The following CENPP variants were observed in gnomAD, a reference collection of about 807,000 sequenced individuals.
CENPP encodes centromere protein P.
Under a neutral mutation model 35.6 loss-of-function variants are expected in CENPP, and 24 were observed. That is an observed-to-expected ratio of 0.67 (90% CI 0.49 to 0.95). CENPP has a LOEUF of 0.95. Among genes scored for constraint, CENPP ranks in the 40% least tolerant of loss-of-function variants. CENPP has a pLI of 0.00. For synonymous variants in CENPP, 120 were observed against 125.5 expected (o/e 0.96, Z 0.29); for missense variants, 332 against 345.3 (o/e 0.96, Z 0.31).
At chr9:92,411,351 G>T (rs1843439010) in intron 5 of CENPP, among the ~76,000 whole-genome samples, 1 of 152,116 alleles carries the variant, frequency 6.6e-6, no homozygotes, top group Admixed American at 6.6e-5. Context: ...CTGGTGTGCA[G>T]TGGCATGATG....
chr9:92,535,928 T>G (rs775049821), intron 5 of CENPP: 14 of 470,594 alleles, frequency 3.0e-5, no homozygotes, highest in Non-Finnish European at 5.7e-5. Flanking sequence ...TTAAAACTTT[T>G]TTACCTGGAG....
chr9:92,367,260 G>A (rs1466347231), intron 4 of CENPP, among the ~76,000 whole-genome samples: 1 of 152,034 alleles, frequency 6.6e-6, no homozygotes, highest in African/African-American at 2.4e-5. Context: ...TCCACCTCTC[G>A]GGTTCAAGCA....
At chr9:92,457,098 AC>A in intron 5 of CENPP, 4 of 1,381,174 alleles carry the variant, frequency 2.9e-6, no homozygotes, top group Non-Finnish European at 3.7e-6. Flanking sequence ...GTTTCTCTCA[AC>A]CCTTATGTAT....
chr9:92,437,959 C>T (rs1164542901), intron 5 of CENPP, among the ~76,000 whole-genome samples: 1 of 151,008 alleles, frequency 6.6e-6, no homozygotes, highest in South Asian at 2.1e-4. Context: ...AGGCATGTGC[C>T]TCCACACCTG....
intron 5 of CENPP, chr9:92,401,245 T>C (rs545668633): frequency 1.3e-6 from 1 of 787,256 alleles, no homozygotes; most frequent in Non-Finnish European, 2.2e-6. Context: ...CTCTGTAAAA[T>C]GAAGGGATCA....
chr9:92,373,214 G>T (rs1167316244), intron 4 of CENPP, among the ~76,000 whole-genome samples: 1 of 151,872 alleles, frequency 6.6e-6, no homozygotes, highest in Non-Finnish European at 1.5e-5. Context: ...CTTGAGGCTA[G>T]GAGTTTGAAA....
intron 5 of CENPP, among the ~76,000 whole-genome samples, chr9:92,530,267 T>C (rs1848664685): frequency 6.6e-6 from 1 of 152,124 alleles, no homozygotes; most frequent in Admixed American, 6.6e-5. Flanking sequence ...GAGTGAACCC[T>C]AATGTAAACT....
intron 5 of CENPP, among the ~76,000 whole-genome samples, chr9:92,407,801 C>CG (rs1302624231): frequency 1.3e-5 from 2 of 152,124 alleles, no homozygotes; most frequent in African/African-American, 2.4e-5. Flanking sequence ...ATTGTAGAGA[C>CG]GGGGTCCTCT....
intron 5 of CENPP, among the ~76,000 whole-genome samples, chr9:92,586,981 GA>G (rs2131372047): frequency 7.2e-6 from 1 of 138,922 alleles, no homozygotes; most frequent in South Asian, 2.6e-4. Context: ...AAACAGGAAA[GA>G]ATGTCCCATT....
intron 5 of CENPP, among the ~76,000 whole-genome samples, chr9:92,401,826 A>G (rs1316441964): frequency 6.6e-6 from 1 of 152,062 alleles, no homozygotes; most frequent in Non-Finnish European, 1.5e-5. Context: ...CTTGGAGAGT[A>G]CGTTTTCTGC....
chr9:92,543,471 CAAAAAAAAAAA>C lies in CENPP; in HGVS notation c.565-67824_565-67814del, dbSNP rs71362401. On this transcript the variant is annotated intron_variant, in intron 5 of 7. Coordinates refer to ENST00000375587, the MANE Select transcript of CENPP (RefSeq NM_001012267.3). ...TGGGTGACAGAGTGAAACCCTGTCT[CAAAAAAAAAAA>C]AAAAAAAAAAAAAAAAAAGATTGCA... Among the ~76,000 whole-genome samples, 9 of 44,524 alleles carry C rather than the reference CAAAAAAAAAAA, an allele frequency of 2.0e-4. 1 individual carries two copies. Among genetic ancestry groups the C allele is most frequent in the East Asian group, 8.7e-4 (1 of 1,144 alleles). The allele number at this position is 44,524 out of a possible 152,430, so 29.2% of individuals were successfully genotyped here. A position where few individuals can be genotyped will look rare whatever the true frequency, so the allele number is the denominator to read the frequency against.
chr9:92,332,413 T>C (rs1840779687), intron 2 of CENPP, 62 bp downstream of exon 2: 1 of 1,127,932 alleles, frequency 8.9e-7, no homozygotes, highest in African/African-American at 1.6e-5. Context: ...CATAAGAAAT[T>C]GGTTGTCATA....
At chr9:92,409,230 T>TA (rs984264225) in intron 5 of CENPP, among the ~76,000 whole-genome samples, 1 of 152,214 alleles carries the variant, frequency 6.6e-6, no homozygotes, top group Non-Finnish European at 1.5e-5. Context: ...AATTGGAACA[T>TA]ATAAGAAACT....
intron 5 of CENPP, among the ~76,000 whole-genome samples, chr9:92,491,178 C>A (rs1455095953): frequency 6.6e-6 from 1 of 152,166 alleles, no homozygotes; most frequent in Non-Finnish European, 1.5e-5. Flanking sequence ...AAAAAGTAAT[C>A]AATACCTAAC....
At chr9:92,349,705 G>A (rs1420232612) in intron 4 of CENPP, among the ~76,000 whole-genome samples, 1 of 151,906 alleles carries the variant, frequency 6.6e-6, no homozygotes, top group East Asian at 1.9e-4. Context: ...CCTGGCCTAT[G>A]TATACATTTA....
At chr9:92,517,723 G>T in intron 5 of CENPP, 1 of 1,614,094 alleles carries the variant, frequency 6.2e-7, no homozygotes, top group Non-Finnish European at 8.5e-7. Flanking sequence ...TCCCCTTCAG[G>T]TATAACTGTT....
intron 5 of CENPP, among the ~76,000 whole-genome samples, chr9:92,481,562 AT>A (rs1564345871): frequency 6.6e-6 from 1 of 152,176 alleles, no homozygotes; most frequent in South Asian, 2.1e-4. Context: ...CATTGCTTAA[AT>A]TTTTTAATCT....
rs534955473 is a variant in CENPP at position 92,509,917 on chromosome 9, C to T, written c.565-101397C>T. On this transcript the variant is annotated intron_variant, in intron 5 of 7. Transcript: ENST00000375587. ...TAAATACCTGATAAACTTTCTTCAT[C>T]GATAGCCTGAAGATTGTTCTCATTG... The T allele has an allele frequency of 4.7e-5, 75 of 1,602,744 alleles. No homozygotes were observed. Among genetic ancestry groups the T allele is most frequent in the East Asian group, 8.9e-5 (4 of 44,746 alleles).
rs529939424 is a variant in CENPP at position 92,601,109 on chromosome 9, A to G, written c.565-10205A>G. The stretch of plus-strand genomic sequence containing the variant: ...GACCACGTCCAGGAAAGTTAGGCTA[A>G]TATGGTTTACAGGAGGCAATTCAGC... On this transcript the variant is annotated intron_variant, in intron 5 of 7. Coordinates refer to ENST00000375587, the MANE Select transcript of CENPP (RefSeq NM_001012267.3). 2.0e-5 allele frequency among the ~76,000 whole-genome samples: 3 copies of G among 152,292 alleles called. No individual in the cohort carries two copies. In the South Asian group the frequency reaches 6.2e-4, roughly 32 times the overall value.
Sources: allele counts gnomAD v4.1 joint callset (sites outside exome capture counted in the v4.1 genomes callset), GRCh38; gene constraint gnomAD v4.1.1; transcripts MANE v1.5; gene names NCBI Gene and HGNC (gene_info 2026-07-23, HGNC 2026-07-21).